TTLL2: variants seen among roughly 807,000 people sequenced by gnomAD.
TTLL2 encodes tubulin tyrosine ligase like 2, also known as probable tubulin polyglutamylase TTLL2.
Under a neutral mutation model 7.5 loss-of-function variants are expected in TTLL2, and 10 were observed. That is an observed-to-expected ratio of 1.33 (90% CI 0.82 to 2.25). The LOEUF is 2.25. Among genes scored for constraint, TTLL2 ranks in the 30% most tolerant of loss-of-function variants. The probability of loss-of-function intolerance (pLI) is 0.00; values close to 1 mark genes in which losing one functional copy is unlikely to be tolerated. For synonymous variants in TTLL2, 284 were observed against 280.3 expected, an observed-to-expected ratio of 1.01 and a Z score of -0.13; for missense variants, 733 against 735.7, an observed-to-expected ratio of 1.00 and a Z score of 0.04.
intron 1 of TTLL2, among the ~76,000 whole-genome samples, chr6:167,337,449 G>T (rs961235827): frequency 6.6e-6 from 1 of 152,142 alleles, no homozygotes; most frequent in Non-Finnish European, 1.5e-5. Flanking sequence ...GAGCCTGGGG[G>T]GTCCAGGCCA....
At position 167,342,223 on chromosome 6, in the gene TTLL2, A is replaced by G. The variant is rs1391104661; in HGVS notation, c.*544A>G. ...CTTGAAATCAGACTTTGCACCAAAGAGCTCCCTGTGGGGGCATCTTTGGGC... is the reference window on the plus strand; with the variant it reads ...CTTGAAATCAGACTTTGCACCAAAGGGCTCCCTGTGGGGGCATCTTTGGGC... On this transcript the variant is annotated 3_prime_UTR_variant, in exon 3 of 3. Transcript: ENST00000239587. Among the ~76,000 whole-genome samples, 1 of 152,204 alleles carries G rather than the reference A, an allele frequency of 6.6e-6. No individual in the cohort carries two copies. The highest frequency in any genetic ancestry group is 6.5e-5 in the Admixed American group (1 of 15,284).
intron 1 of TTLL2, among the ~76,000 whole-genome samples, chr6:167,337,330 T>C (rs1156278696): frequency 1.3e-5 from 2 of 152,156 alleles, no homozygotes; most frequent in Non-Finnish European, 2.9e-5. Context: ...CAAAGCCTCA[T>C]GGACTGCTCC....
intron 1 of TTLL2, among the ~76,000 whole-genome samples, chr6:167,332,138 C>T (rs1778927161): frequency 6.6e-6 from 1 of 151,980 alleles, no homozygotes; most frequent in African/African-American, 2.4e-5. Context: ...GTTCAAAGAC[C>T]CCACACTGCG....
At chr6:167,339,999 G>C in intron 2 of TTLL2, 106 bp from the exon 3 acceptor site, 1 of 1,263,458 alleles carries the variant, frequency 7.9e-7, no homozygotes, top group Non-Finnish European at 1.1e-6. Context: ...TGGGAGGGTG[G>C]ACACACAGGA....
intron 1 of TTLL2, among the ~76,000 whole-genome samples, chr6:167,329,918 A>G (rs1357621720): frequency 1.2e-4 from 18 of 152,224 alleles, no homozygotes. Flanking sequence ...ATTTTGTATT[A>G]TATAAATGTT....
chr6:167,338,109 C>T (rs181648123), intron 1 of TTLL2, among the ~76,000 whole-genome samples: 80 of 151,942 alleles, frequency 5.3e-4, no homozygotes, highest in South Asian at 1.7e-3. Context: ...ATGCAACACA[C>T]GACACACATA....
intron 1 of TTLL2, among the ~76,000 whole-genome samples, chr6:167,329,804 A>G (rs1487340282): frequency 6.6e-6 from 1 of 152,158 alleles, no homozygotes; most frequent in East Asian, 1.9e-4. Context: ...CGTGAATTTT[A>G]TTATGCTAGC....
chr6:167,327,164 G>A (rs1018304239), intron 1 of TTLL2, among the ~76,000 whole-genome samples: 2 of 152,184 alleles, frequency 1.3e-5, no homozygotes, highest in Middle Eastern at 3.2e-3. Context: ...CTTAGCATTC[G>A]TCTTGCTTAG....
chr6:167,340,203 C>T lies in TTLL2; in HGVS notation c.303C>T (p.Ser101=), dbSNP rs877653. ...VDETTPAVVQ[S]VLLERGWNKF... ...AGACCACCCCGGCTGTGGTGCAAAG[C>T]GTCCTCCTGGAGAGGGGGTGGAATA... The change falls in exon 3 of 3, where the codon AGC becomes AGT. Residue 101 remains serine, a synonymous_variant. Coordinates refer to ENST00000239587, the MANE Select transcript of TTLL2 (RefSeq NM_031949.5). 468,706 of 1,613,462 alleles carry T rather than the reference C, an allele frequency of 0.29. 70,271 individuals are homozygous for T. The highest frequency in any genetic ancestry group is 0.47 in the East Asian group (21,287 of 44,866).
intron 1 of TTLL2, among the ~76,000 whole-genome samples, chr6:167,327,286 G>A (rs748386079): frequency 2.0e-5 from 3 of 152,140 alleles, no homozygotes; most frequent in Non-Finnish European, 2.9e-5. Flanking sequence ...CCTTTGTCCC[G>A]TGCCTGTGAA....
intron 1 of TTLL2, among the ~76,000 whole-genome samples, chr6:167,325,938 C>T (rs1167376781): frequency 6.6e-6 from 1 of 152,184 alleles, no homozygotes; most frequent in Non-Finnish European, 1.5e-5. Context: ...CGGGCTGTGA[C>T]AGGCCGAACA....
chr6:167,332,019 T>A (rs1182384317), intron 1 of TTLL2, among the ~76,000 whole-genome samples: 1 of 152,226 alleles, frequency 6.6e-6, no homozygotes, highest in African/African-American at 2.4e-5. Context: ...AGTTTTTTTT[T>A]AACAATAGTA....
rs952782876 is a variant in TTLL2 at position 167,325,944 on chromosome 6, G to A, written c.47+724G>A. ...AGCGGGAAGCGGGCTGTGACAGGCC[G>A]AACAGCGGCCGAGAACGGGTGCAAG... On this transcript the variant is annotated intron_variant, in intron 1 of 2. Transcript: ENST00000239587. Among the ~76,000 whole-genome samples the A allele has an allele frequency of 5.9e-5, 9 of 152,162 alleles. No homozygotes were observed. In the South Asian group the frequency reaches 6.2e-4, roughly 11 times the overall value.
At chr6:167,331,994 AT>A in intron 1 of TTLL2, among the ~76,000 whole-genome samples, 1 of 152,252 alleles carries the variant, frequency 6.6e-6, no homozygotes, top group Admixed American at 6.5e-5. Context: ...ACTCCTTTAA[AT>A]TTAATTTGGC....
chr6:167,339,442 G>C (rs1351470297), intron 2 of TTLL2, among the ~76,000 whole-genome samples: 2 of 152,114 alleles, frequency 1.3e-5, no homozygotes, highest in East Asian at 3.8e-4. Flanking sequence ...TAAAATGTGA[G>C]GCAAAATCTC....
intron 2 of TTLL2, among the ~76,000 whole-genome samples, chr6:167,339,393 G>A (rs1779039297): frequency 1.3e-5 from 2 of 152,174 alleles, no homozygotes; most frequent in Non-Finnish European, 1.5e-5. Flanking sequence ...TTCCTTCTTC[G>A]AAGTTCAAAA....
intron 1 of TTLL2, chr6:167,328,352 A>G (rs1276123219): frequency 6.3e-6 from 2 of 319,132 alleles, no homozygotes; most frequent in African/African-American, 2.2e-5. Flanking sequence ...CTTCCTTGCC[A>G]TGGGGCCCCA....
At position 167,329,907 on chromosome 6, in the gene TTLL2, C is replaced by T. The variant is rs553219840; in HGVS notation, c.47+4687C>T. Among the ~76,000 whole-genome samples, 47 of 152,294 alleles carry T rather than the reference C, an allele frequency of 3.1e-4. No homozygotes were observed. The South Asian group carries it at 4.6e-3, about 15-fold the overall frequency. The stretch of plus-strand genomic sequence containing the variant: ...CTAGAAGTCCAAATATTCAAAAGCA[C>T]ATTTTGTATTATATAAATGTTTCCA... On this transcript the variant is annotated intron_variant, in intron 1 of 2. Transcript: ENST00000239587.
At position 167,342,154 on chromosome 6, in the gene TTLL2, A is replaced by C. The variant is rs1779106470; in HGVS notation, c.*475A>C. Among the ~76,000 whole-genome samples the C allele has an allele frequency of 6.6e-6, 1 of 152,218 alleles. No homozygotes were observed. Among genetic ancestry groups the C allele is most frequent in the Admixed American group, 6.5e-5 (1 of 15,288 alleles). On this transcript the variant is annotated 3_prime_UTR_variant, in exon 3 of 3. Transcript: ENST00000239587. ...TCAGACAATCATTCAGAGTGAGATA[A>C]ATCACTGAAAGCCCTAATGACTCTG...
Sources: gnomAD v4.1 joint callset for allele counts (sites outside exome capture counted in the v4.1 genomes callset) on GRCh38, gnomAD v4.1.1 for gene constraint, MANE v1.5 for transcripts, NCBI Gene and HGNC (gene_info 2026-07-23, HGNC 2026-07-21) for gene names.